GRM1: variants seen among roughly 807,000 people sequenced by gnomAD.
The protein encoded by GRM1 is glutamate metabotropic receptor 1, also known as metabotropic glutamate receptor 1.
GRM1 carries 33 observed loss-of-function variants against 90.9 expected under a neutral mutation model. The observed-to-expected ratio is 0.36, with a 90% CI of 0.28 to 0.49. The LOEUF (loss-of-function observed/expected upper bound fraction) is 0.49, where lower values mean the gene tolerates loss of function less well. Ranked by LOEUF, GRM1 falls within the 20% of genes least tolerant of loss-of-function variation. The pLI is 0.99. For missense variants in GRM1, 1,190 were observed against 1,534.3 expected, an observed-to-expected ratio of 0.78 and a Z score of 3.75; for synonymous variants, 700 against 613.2, an observed-to-expected ratio of 1.14 and a Z score of -2.09.
Position 146,110,748 on chromosome 6 carries a change from T to G in GRM1, c.701-48600T>G, listed in dbSNP as rs11155453. ...TTTTGTATTTCCTCATAGGCTGTTT[T>G]GTATGGTTATTTAACTATGCCAAAC... On this transcript the variant is annotated intron_variant, in intron 1 of 7. Transcript: ENST00000282753. 2.8e-3 allele frequency among the ~76,000 whole-genome samples: 434 copies of G among 152,332 alleles called. 2 individuals carry two copies. The highest frequency in any genetic ancestry group is 0.01 in the African/African-American group (418 of 41,568).
At chr6:146,395,375 A>G (rs942778296) in intron 6 of GRM1, among the ~76,000 whole-genome samples, 6 of 140,358 alleles carry the variant, frequency 4.3e-5, no homozygotes, top group African/African-American at 2.0e-4. Flanking sequence ...AAAGTTTCCT[A>G]AAGTTTTTTC....
At chr6:146,366,718 G>GT (rs1218113846) in intron 5 of GRM1, among the ~76,000 whole-genome samples, 1 of 151,954 alleles carries the variant, frequency 6.6e-6, no homozygotes, top group Non-Finnish European at 1.5e-5. Context: ...ATATGTCTAG[G>GT]TTTTTTTCCC....
chr6:146,029,722 G>C lies in GRM1; in HGVS notation c.205G>C (p.Glu69Gln), dbSNP rs751246579. Residue 69 changes from glutamate to glutamine, a missense_variant, in exon 1 of 8, where the codon GAG becomes CAG. Physicochemically the swap from Glu to Gln is conservative, Grantham distance 29 (BLOSUM62 2). Around this residue, in one of 10 missense-constraint regions of GRM1, gnomAD observed 25 missense variants for 65.9 expected, o/e 0.38. Coordinates refer to ENST00000282753, the MANE Select transcript of GRM1 (RefSeq NM_001278064.2). Reference protein sequence around the residue: ...AEKVPERKCGEIREQYGIQRV... With the variant: ...AEKVPERKCGQIREQYGIQRV... Reference sequence around the variant, plus strand: ...GAAAGTGCCCGAGAGGAAGTGTGGGGAGATCAGGGAGCAGTATGGCATCCA... The same window carrying C: ...GAAAGTGCCCGAGAGGAAGTGTGGGCAGATCAGGGAGCAGTATGGCATCCA... The C allele has an allele frequency of 1.2e-6, 2 of 1,614,110 alleles. No homozygotes were observed. The highest frequency in any genetic ancestry group is 8.5e-7 in the Non-Finnish European group (1 of 1,180,014).
At chr6:146,153,906 A>G (rs1276568988) in intron 1 of GRM1, among the ~76,000 whole-genome samples, 1 of 152,226 alleles carries the variant, frequency 6.6e-6, no homozygotes, top group East Asian at 1.9e-4. Flanking sequence ...TATGAAACAT[A>G]CATGTTTAAT....
chr6:146,235,701 C>CGT (rs71028383), intron 2 of GRM1, among the ~76,000 whole-genome samples: 13,097 of 102,654 alleles, frequency 0.13, 1,109 homozygotes, highest in African/African-American at 0.26. Context: ...TCTCTGTTAC[C>CGT]GTGTGTGTGT....
intron 1 of GRM1, among the ~76,000 whole-genome samples, chr6:146,125,797 T>C (rs576963743): frequency 2.0e-5 from 3 of 152,196 alleles, no homozygotes; most frequent in South Asian, 2.1e-4. Flanking sequence ...AGTGGTCAAT[T>C]ATTTCTTCAT....
At chr6:146,274,034 G>A (rs541093516) in intron 2 of GRM1, among the ~76,000 whole-genome samples, 5 of 152,276 alleles carry the variant, frequency 3.3e-5, no homozygotes, top group Admixed American at 1.3e-4. Flanking sequence ...CTCTGCAATC[G>A]TTTTTGTATT....
At chr6:146,377,817 G>T (rs1776164665) in intron 5 of GRM1, among the ~76,000 whole-genome samples, 1 of 152,170 alleles carries the variant, frequency 6.6e-6, no homozygotes, top group Admixed American at 6.5e-5. Flanking sequence ...CCCAGCCATG[G>T]CTAAAATGGG....
intron 2 of GRM1, among the ~76,000 whole-genome samples, chr6:146,232,210 T>G (rs897604013): frequency 6.6e-6 from 1 of 152,042 alleles, no homozygotes; most frequent in Non-Finnish European, 1.5e-5. Context: ...CAGTGAAAAT[T>G]TATTTTCTCA....
chr6:146,289,538 G>A (rs933453969), intron 2 of GRM1, among the ~76,000 whole-genome samples: 5 of 152,080 alleles, frequency 3.3e-5, no homozygotes, highest in African/African-American at 4.8e-5. Flanking sequence ...AAAAAAGTAC[G>A]TTTATGTAGC....
chr6:146,198,758 C>G (rs182465849), intron 2 of GRM1, among the ~76,000 whole-genome samples: 3 of 152,258 alleles, frequency 2.0e-5, no homozygotes, highest in African/African-American at 7.2e-5. Context: ...CATTCCTTGT[C>G]CCCAGTGTAC....
intron 1 of GRM1, among the ~76,000 whole-genome samples, chr6:146,079,005 G>T (rs746834713): frequency 2.0e-5 from 3 of 152,116 alleles, no homozygotes; most frequent in Non-Finnish European, 2.9e-5. Flanking sequence ...CTGTTAACAG[G>T]CCCCCATCTC....
intron 3 of GRM1, among the ~76,000 whole-genome samples, chr6:146,331,124 A>C (rs1159606288): frequency 6.6e-6 from 1 of 152,132 alleles, no homozygotes; most frequent in Non-Finnish European, 1.5e-5. Flanking sequence ...ATCATCAGGG[A>C]AGGAGTCTCA....
At chr6:146,307,713 C>T (rs1783628373) in intron 3 of GRM1, among the ~76,000 whole-genome samples, 1 of 152,132 alleles carries the variant, frequency 6.6e-6, no homozygotes. Context: ...CTCCTTTTTA[C>T]CTCTTCTAAT....
intron 2 of GRM1, among the ~76,000 whole-genome samples, chr6:146,187,765 A>G (rs1778787809): frequency 6.6e-6 from 1 of 151,716 alleles, no homozygotes; most frequent in Admixed American, 6.6e-5. Context: ...AAAATTAGCT[A>G]TTTTGCTTTT....
intron 7 of GRM1, among the ~76,000 whole-genome samples, chr6:146,417,956 CT>C (rs1293622470): frequency 3.3e-5 from 5 of 152,010 alleles, no homozygotes; most frequent in South Asian, 2.1e-4. Flanking sequence ...CTTGATCTAC[CT>C]TTTTTTTCCT....
intron 7 of GRM1, among the ~76,000 whole-genome samples, chr6:146,427,724 A>G (rs1233412876): frequency 2.0e-5 from 3 of 152,176 alleles, no homozygotes; most frequent in Admixed American, 1.3e-4. Flanking sequence ...TCCAGGTAGT[A>G]ACTGAGAGGT....
chr6:146,057,000 T>A (rs1038140869), intron 1 of GRM1, among the ~76,000 whole-genome samples: 1 of 152,174 alleles, frequency 6.6e-6, no homozygotes, highest in African/African-American at 2.4e-5. Context: ...TACTTGTCTG[T>A]CTCTCCTAGT....
At chr6:146,297,776 C>T (rs1464213738) in intron 2 of GRM1, among the ~76,000 whole-genome samples, 1 of 152,182 alleles carries the variant, frequency 6.6e-6, no homozygotes, top group Non-Finnish European at 1.5e-5. Flanking sequence ...AAAAGAGATT[C>T]TGACAACCTG....
Sources: allele counts gnomAD v4.1 joint callset (sites outside exome capture counted in the v4.1 genomes callset), GRCh38; gene constraint gnomAD v4.1.1; regional missense constraint gnomAD v4.1.1; transcripts MANE v1.5; gene names NCBI Gene and HGNC (gene_info 2026-07-23, HGNC 2026-07-21).